FOXI1: variants seen among roughly 807,000 people sequenced by gnomAD.
FOXI1 encodes the protein forkhead box I1, also known as forkhead box protein I1.
A neutral mutation model predicts 16.4 loss-of-function variants in FOXI1; 11 were observed. The observed-to-expected ratio is 0.67, with a 90% confidence interval of 0.42 to 1.11. FOXI1 has a LOEUF of 1.11. Among genes scored for constraint, FOXI1 ranks in the 50% least tolerant of loss-of-function variants. FOXI1 has a pLI of 0.00. For synonymous variants in FOXI1, 218 were observed against 211.5 expected (o/e 1.03, Z -0.27); for missense variants, 480 against 506.1 (o/e 0.95, Z 0.49).
In FOXI1 at chr5:170,109,545, T is replaced by TC. The variant is rs1456465001; in HGVS notation, c.*934_*935insC. ...ACAAGGTTGGATAAGCGCTTCCTTTTTTTTAGCCCAGGAGAGGTGGATGTT... is the reference window on the plus strand; with the variant it reads ...ACAAGGTTGGATAAGCGCTTCCTTTTCTTTTAGCCCAGGAGAGGTGGATGTT... On this transcript the variant is annotated 3_prime_UTR_variant, in exon 2 of 2. Transcript: ENST00000306268. 1.3e-5 allele frequency: 2 copies of TC among 151,740 alleles called. No individual in the cohort carries two copies. The highest frequency in any genetic ancestry group is 2.9e-5 in the Non-Finnish European group (2 of 67,984). 9.4% of individuals were successfully genotyped at this position (151,740 alleles called of 1,614,324 possible).
rs367809742 is a variant in FOXI1, at chr5:170,108,487, C to A, written c.1013C>A (p.Ala338Glu). The A allele has an allele frequency of 6.2e-7, 1 of 1,600,846 alleles. No homozygotes were observed. The highest frequency in any genetic ancestry group is 8.5e-7 in the Non-Finnish European group (1 of 1,171,752). The change falls in exon 2 of 2, where the codon GCG becomes GAG. Residue 338 changes from alanine (A) to glutamate (E), a missense_variant. Ala to Glu is a moderately radical substitution (Grantham distance 107, BLOSUM62 -1). Transcript: ENST00000306268. ...LSNHSGGGDW[A>E]NPMPTNMLSY... ...AACCACAGCGGTGGGGGTGACTGGG[C>A]GAACCCCATGCCCACCAACATGCTC...
In FOXI1 at chr5:170,106,267, G is replaced by C; in HGVS notation, c.310G>C (p.Gly104Arg). The C allele has an allele frequency of 6.3e-7, 1 of 1,580,746 alleles. No individual in the cohort carries two copies. The highest frequency in any genetic ancestry group is 1.4e-5 in the African/African-American group (1 of 74,070). The change falls in exon 1 of 2, where the codon GGG (glycine) becomes CGG (arginine). Residue 104 changes from glycine to arginine, a missense_variant. Around this residue, in one of 3 missense-constraint regions of FOXI1, gnomAD observed 219 missense variants for 222.9 expected, o/e 0.98. Coordinates refer to ENST00000306268, the MANE Select transcript of FOXI1 (RefSeq NM_012188.5). ...GCTGCCCAGCGTGTCGGGGCTTGGG[G>C]GGAGCGACCTGGGCTGGCTGCCCAT... ...PLLPSVSGLG[G>R]SDLGWLPIPS...
At position 170,109,426 on chromosome 5, in the gene FOXI1, C is replaced by T. The variant is rs550211890; in HGVS notation, c.*815C>T. 2.0e-5 allele frequency: 3 copies of T among 152,270 alleles called. No individual in the cohort carries two copies. The South Asian group carries it at 6.2e-4, about 32-fold the overall frequency. The allele number at this position is 152,270 out of a possible 1,614,324, so 9.4% of individuals were successfully genotyped here. A position where few individuals can be genotyped will look rare whatever the true frequency, so the allele number is the denominator to read the frequency against. ...TGTGTACCCCTAAATCCTCCCACCCCAGCACTGCCCATCTGTAAAATCTTG... is the reference window on the plus strand; with the variant it reads ...TGTGTACCCCTAAATCCTCCCACCCTAGCACTGCCCATCTGTAAAATCTTG... On this transcript the variant is annotated 3_prime_UTR_variant, in exon 2 of 2. Coordinates refer to ENST00000306268, the MANE Select transcript of FOXI1 (RefSeq NM_012188.5).
Position 170,108,149 on chromosome 5 carries a change from C to A in FOXI1, c.675C>A (p.Ser225Arg). ...KRKRKSDVSS[S>R]TASLALEKTE... ...AGAGAAAATCAGATGTTTCCTCTAG[C>A]ACAGCCTCCTTGGCCTTAGAGAAGA... Residue 225 changes from serine (S) to arginine (R), a missense_variant, in exon 2 of 2, where the codon AGC (serine) becomes AGA (arginine). By Grantham distance (110) the Ser-to-Arg change is moderately radical. Coordinates refer to ENST00000306268, the MANE Select transcript of FOXI1 (RefSeq NM_012188.5). The A allele has an allele frequency of 6.2e-7, 1 of 1,614,106 alleles. No homozygotes were observed. Among genetic ancestry groups the A allele is most frequent in the Non-Finnish European group, 8.5e-7 (1 of 1,179,928 alleles).
Position 170,108,478 on chromosome 5 carries a change from G to A in FOXI1, c.1004G>A (p.Gly335Asp), listed in dbSNP as rs764345848. Residue 335 changes from glycine (G) to aspartate (D), a missense_variant, in exon 2 of 2, where the codon GGT (glycine) becomes GAT (aspartate). Physicochemically the swap from Gly to Asp is moderately conservative, Grantham distance 94 (BLOSUM62 -1). Transcript: ENST00000306268. ...LTNLSNHSGGGDWANPMPTNM... is the reference protein window; with the variant it reads ...LTNLSNHSGGDDWANPMPTNM... Reference sequence around the variant, plus strand: ...AACCTCAGCAACCACAGCGGTGGGGGTGACTGGGCGAACCCCATGCCCACC... The same window carrying A: ...AACCTCAGCAACCACAGCGGTGGGGATGACTGGGCGAACCCCATGCCCACC... The A allele has an allele frequency of 2.6e-5, 42 of 1,600,996 alleles. No homozygotes were observed. The highest frequency in any genetic ancestry group is 4.0e-5 in the African/African-American group (3 of 74,762).
At chr5:170,106,844 A>G (rs1378603306) in intron 1 of FOXI1, 1 of 292,910 alleles carries the variant, frequency 3.4e-6, no homozygotes, top group African/African-American at 2.3e-5. Context: ...GTGATGAGAT[A>G]ATGTACACAA....
rs773511000 is a variant in FOXI1 at position 170,106,169 on chromosome 5, C to A, written c.212C>A (p.Thr71Asn). The A allele has an allele frequency of 6.2e-7, 1 of 1,601,636 alleles. No individual in the cohort carries two copies. The highest frequency in any genetic ancestry group is 8.5e-7 in the Non-Finnish European group (1 of 1,173,396). The change falls in exon 1 of 2, where the codon ACC becomes AAC. Residue 71 changes from threonine (T) to asparagine (N), a missense_variant. This residue lies in a region of FOXI1 where 219 missense variants were observed against 222.9 expected (regional missense o/e 0.98). Transcript: ENST00000306268. ...PYLWFNGPTM[T>N]PPPYLPGPNA... ...CTCTGGTTCAACGGGCCCACCATGACCCCGCCACCCTACCTGCCCGGCCCC... is the reference window on the plus strand; with the variant it reads ...CTCTGGTTCAACGGGCCCACCATGAACCCGCCACCCTACCTGCCCGGCCCC...
At position 170,106,344 on chromosome 5, in the gene FOXI1, G is replaced by A. The variant is rs1470712025; in HGVS notation, c.387G>A (p.Ser129=). 6.2e-7 allele frequency: 1 copy of A among 1,609,124 alleles called. No homozygotes were observed. Among genetic ancestry groups the A allele is most frequent in the African/African-American group, 1.3e-5 (1 of 74,752 alleles). Residue 129 remains serine (S), a synonymous_variant, in exon 1 of 2, where the codon TCG becomes TCA. Coordinates refer to ENST00000306268, the MANE Select transcript of FOXI1 (RefSeq NM_012188.5). The part of the protein sequence containing the change: ...MKLVRPPYSY[S]ALIAMAIHGA... ...TGGTGCGGCCACCCTATTCCTACTC[G>A]GCTCTCATCGCCATGGCCATCCACG... is the stretch of plus-strand genomic sequence containing the variant.
At chr5:170,106,632 A>C in intron 1 of FOXI1, 101 bp downstream of exon 1, 2 of 1,502,790 alleles carry the variant, frequency 1.3e-6, no homozygotes, top group Non-Finnish European at 1.8e-6. Flanking sequence ...TGTGCCCCCC[A>C]AGACTGGGGG....
chr5:170,107,672 G>A (rs943808504), intron 1 of FOXI1, among the ~76,000 whole-genome samples: 3 of 152,210 alleles, frequency 2.0e-5, no homozygotes, highest in Admixed American at 6.5e-5. Context: ...CCAAGCCTAC[G>A]GCTATTAGGG....
chr5:170,108,423 C>T lies in FOXI1; in HGVS notation c.949C>T (p.Leu317=), dbSNP rs1425099918. 1.9e-6 allele frequency: 3 copies of T among 1,609,612 alleles called. No individual in the cohort carries two copies. Among genetic ancestry groups the T allele is most frequent in the Admixed American group, 3.3e-5 (2 of 59,850 alleles). Residue 317 remains leucine (L), a synonymous_variant, in exon 2 of 2, where the codon CTG becomes TTG. Transcript: ENST00000306268. ...EPSDKTGQNS[L]TFNSFSPLTN... ...CAGTGACAAGACGGGGCAGAACTCACTGACCTTCAACTCCTTCTCCCCGCT... is the reference window on the plus strand; with the variant it reads ...CAGTGACAAGACGGGGCAGAACTCATTGACCTTCAACTCCTTCTCCCCGCT...
chr5:170,108,791 A>C lies in FOXI1; in HGVS notation c.*180A>C. The C allele has an allele frequency of 3.2e-6, 2 of 622,312 alleles. No homozygotes were observed. The highest frequency in any genetic ancestry group is 5.7e-6 in the Non-Finnish European group (2 of 351,272). 38.5% of individuals were successfully genotyped at this position (622,312 alleles called of 1,614,324 possible). A position where few individuals can be genotyped will look rare whatever the true frequency, so the allele number is the denominator to read the frequency against. On this transcript the variant is annotated 3_prime_UTR_variant, in exon 2 of 2. Coordinates refer to ENST00000306268, the MANE Select transcript of FOXI1 (RefSeq NM_012188.5). ...GCTTCTGTTTATCACACATAGGCCC[A>C]CACACAGACTCACCAACTTTGCAAT...
At chr5:170,107,579 A>G (rs1450845420) in intron 1 of FOXI1, among the ~76,000 whole-genome samples, 1 of 152,226 alleles carries the variant, frequency 6.6e-6, no homozygotes, top group Non-Finnish European at 1.5e-5. Context: ...CAATGGGCCC[A>G]CTTTTCAGAC....
At position 170,106,419 on chromosome 5, in the gene FOXI1, C is replaced by G. The variant is rs762742077; in HGVS notation, c.462C>G (p.Ala154=). ...TCAGCCAGATCTACCAGTACGTGGC[C>G]GACAACTTCCCCTTCTACAACAAGA... ...LTLSQIYQYV[A]DNFPFYNKSK... is the part of the protein sequence containing the mutation. The change falls in exon 1 of 2, where the codon GCC becomes GCG. Residue 154 remains alanine (A), a synonymous_variant. Coordinates refer to ENST00000306268, the MANE Select transcript of FOXI1 (RefSeq NM_012188.5). 10 of 1,614,114 alleles carry G rather than the reference C, an allele frequency of 6.2e-6. No individual in the cohort carries two copies. Among genetic ancestry groups the G allele is most frequent in the East Asian group, 4.5e-5 (2 of 44,894 alleles).
chr5:170,107,980 C>T, intron 1 of FOXI1, 69 bp from the exon 2 acceptor site: 1 of 1,260,000 alleles, frequency 7.9e-7, no homozygotes, highest in South Asian at 1.2e-5. Context: ...TAGTTTATGA[C>T]AATAAGGAGG....
rs746980008 is a variant in FOXI1 at position 170,108,211 on chromosome 5, C to A, written c.737C>A (p.Thr246Lys). 6.2e-7 allele frequency: 1 copy of A among 1,614,044 alleles called. No homozygotes were observed. The highest frequency in any genetic ancestry group is 8.5e-7 in the Non-Finnish European group (1 of 1,180,034). ...SSLPVDSPKT[T>K]EPQDILDGAS... ...CTCCCGGTGGACAGCCCCAAGACCA[C>A]GGAGCCTCAGGACATCTTGGATGGA... The change falls in exon 2 of 2, where the codon ACG (threonine) becomes AAG (lysine). Residue 246 changes from threonine (T) to lysine (K), a missense_variant. Coordinates refer to ENST00000306268, the MANE Select transcript of FOXI1 (RefSeq NM_012188.5).
chr5:170,106,972 AG>A, intron 1 of FOXI1: 8 of 985,330 alleles, frequency 8.1e-6, no homozygotes, highest in Non-Finnish European at 9.6e-6. Context: ...CCAAAGCCCA[AG>A]GGCATCCCAA....
Position 170,106,346 on chromosome 5 carries a change from C to A in FOXI1, c.389C>A (p.Ala130Asp). Residue 130 changes from alanine to aspartate, a missense_variant, in exon 1 of 2, where the codon GCT (alanine) becomes GAT (aspartate). Ala to Asp is a moderately radical substitution (Grantham distance 126). This residue lies in a region of FOXI1 where 219 missense variants were observed against 222.9 expected (regional missense o/e 0.98). Transcript: ENST00000306268. Reference protein sequence around the residue: ...KLVRPPYSYSALIAMAIHGAP... With the variant: ...KLVRPPYSYSDLIAMAIHGAP... ...GTGCGGCCACCCTATTCCTACTCGG[C>A]TCTCATCGCCATGGCCATCCACGGG... 1 of 1,610,008 alleles carries A rather than the reference C, an allele frequency of 6.2e-7. No homozygotes were observed. Among genetic ancestry groups the A allele is most frequent in the Non-Finnish European group, 8.5e-7 (1 of 1,177,934 alleles).
At chr5:170,106,682 G>A in intron 1 of FOXI1, 151 bp downstream of exon 1, 1 of 1,228,250 alleles carries the variant, frequency 8.1e-7, no homozygotes, top group Non-Finnish European at 1.1e-6. Context: ...AGCAGTGAAG[G>A]AGAGCATGGG....
Sources: gnomAD v4.1 joint callset for allele counts (sites outside exome capture counted in the v4.1 genomes callset) on GRCh38, gnomAD v4.1.1 for gene constraint, gnomAD v4.1.1 regional missense constraint, MANE v1.5 for transcripts, NCBI Gene and HGNC (gene_info 2026-07-23, HGNC 2026-07-21) for gene names.